QKI: variants seen among roughly 807,000 people sequenced by gnomAD.
QKI encodes QKI, KH domain containing RNA binding.
QKI carries 10 observed loss-of-function variants against 39.0 expected under a neutral mutation model. The ratio of observed to expected loss-of-function variants is 0.26; its 90% CI spans 0.16 to 0.43. QKI has a LOEUF of 0.43. QKI is among the 20% of genes least tolerant of loss of function. The pLI is 1.00. For missense variants in QKI, 218 were observed against 428.0 expected (o/e 0.51, Z 4.33); for synonymous variants, 204 against 155.4 (o/e 1.31, Z -2.33).
chr6:163,546,277 C>T (rs1352235699), intron 4 of QKI, among the ~76,000 whole-genome samples: 1 of 151,586 alleles, frequency 6.6e-6, no homozygotes, highest in Non-Finnish European at 1.5e-5. Context: ...TGTTTGCATG[C>T]CCTTCTGATG....
intron 3 of QKI, among the ~76,000 whole-genome samples, chr6:163,519,840 A>T (rs1780041470): frequency 6.6e-6 from 1 of 152,160 alleles, no homozygotes; most frequent in African/African-American, 2.4e-5. Flanking sequence ...TTAATATCTC[A>T]GAAAATGTTT....
intron 2 of QKI, among the ~76,000 whole-genome samples, chr6:163,464,564 A>T (rs1791587813): frequency 6.6e-6 from 1 of 152,212 alleles, no homozygotes; most frequent in Non-Finnish European, 1.5e-5. Flanking sequence ...GAGTAAATAT[A>T]TGCCAAAAAA....
intron 4 of QKI, among the ~76,000 whole-genome samples, chr6:163,551,350 C>T (rs529469514): frequency 6.6e-6 from 1 of 152,292 alleles, no homozygotes; most frequent in South Asian, 2.1e-4. Flanking sequence ...GCTCCAGTTC[C>T]ACAAGATGTC....
intron 1 of QKI, among the ~76,000 whole-genome samples, chr6:163,433,702 G>A (rs1789017788): frequency 6.6e-6 from 1 of 152,126 alleles, no homozygotes; most frequent in African/African-American, 2.4e-5. Context: ...GGGAGGCAGA[G>A]GTTGCAGTGA....
chr6:163,573,653 C>T lies in QKI; in HGVS notation c.*2943C>T, dbSNP rs1783823134. 1 of 151,972 alleles carries T rather than the reference C, an allele frequency of 6.6e-6. No individual in the cohort carries two copies. The highest frequency in any genetic ancestry group is 2.4e-5 in the African/African-American group (1 of 41,366). The allele number at this position is 151,972 out of a possible 1,614,324, so 9.4% of individuals were successfully genotyped here. A position where few individuals can be genotyped will look rare whatever the true frequency, so the allele number is the denominator to read the frequency against. ...TATTGGGTGTCTTGTCTTTTTTGGG[C>T]TTTTAGTTAGCTAATGAATGAATAC... On this transcript the variant is annotated 3_prime_UTR_variant, in exon 8 of 8. Transcript: ENST00000361752.
chr6:163,430,437 T>G (rs1040873934), intron 1 of QKI, among the ~76,000 whole-genome samples: 2 of 151,390 alleles, frequency 1.3e-5, no homozygotes, highest in African/African-American at 4.9e-5. Context: ...TTAATTTGGC[T>G]TTTTATTTTT....
chr6:163,542,359 C>CTAA (rs1424872986), intron 4 of QKI, among the ~76,000 whole-genome samples: 4 of 151,840 alleles, frequency 2.6e-5, no homozygotes, highest in Admixed American at 1.3e-4. Context: ...CAGAAGAGAC[C>CTAA]TAAAACACAC....
chr6:163,543,932 C>T (rs918082943), intron 4 of QKI, among the ~76,000 whole-genome samples: 14 of 151,782 alleles, frequency 9.2e-5, no homozygotes, highest in African/African-American at 3.2e-4. Context: ...TTTGCTTTAA[C>T]AAACGTTAAC....
chr6:163,473,289 A>T (rs540314332), intron 2 of QKI, among the ~76,000 whole-genome samples: 3 of 152,222 alleles, frequency 2.0e-5, no homozygotes, highest in Admixed American at 1.3e-4. Context: ...AAGAGAGTAG[A>T]ACCACGTAAG....
intron 3 of QKI, among the ~76,000 whole-genome samples, chr6:163,486,079 T>C (rs1447412283): frequency 6.6e-6 from 1 of 152,214 alleles, no homozygotes; most frequent in Admixed American, 6.5e-5. Context: ...ACTTTTACTA[T>C]CTGTGCTGCA....
intron 3 of QKI, among the ~76,000 whole-genome samples, chr6:163,509,555 T>G (rs2128234581): frequency 6.6e-6 from 1 of 152,244 alleles, no homozygotes; most frequent in East Asian, 1.9e-4. Context: ...GGTTACAGGT[T>G]TCTACATATT....
chr6:163,539,771 C>G (rs988917531), intron 4 of QKI, among the ~76,000 whole-genome samples: 2 of 152,094 alleles, frequency 1.3e-5, no homozygotes, highest in Non-Finnish European at 2.9e-5. Context: ...AGTTGCCTTC[C>G]AGAAAATTTG....
intron 1 of QKI, among the ~76,000 whole-genome samples, chr6:163,454,211 A>G (rs2128218972): frequency 6.6e-6 from 1 of 152,272 alleles, no homozygotes; most frequent in Admixed American, 6.5e-5. Flanking sequence ...AAAGGACAGG[A>G]GCCTGTCTTC....
At chr6:163,478,965 A>C in intron 3 of QKI, 69 bp downstream of exon 3, 1 of 1,322,628 alleles carries the variant, frequency 7.6e-7, no homozygotes. Flanking sequence ...GTAATAATAA[A>C]ATTTCCAGAT....
chr6:163,474,826 G>C (rs540998002), intron 2 of QKI, among the ~76,000 whole-genome samples: 1 of 149,312 alleles, frequency 6.7e-6, no homozygotes, highest in East Asian at 2.0e-4. Flanking sequence ...TGGTGAGGCT[G>C]AGGTGGGAGG....
At chr6:163,525,286 TTC>T (rs368196224) in intron 3 of QKI, among the ~76,000 whole-genome samples, 11 of 144,250 alleles carry the variant, frequency 7.6e-5, no homozygotes, top group Admixed American at 2.1e-4. Context: ...TTTTTTCCTG[TTC>T]TCTCTCTCTC....
At chr6:163,553,289 C>T (rs750026246) in intron 4 of QKI, among the ~76,000 whole-genome samples, 1 of 151,530 alleles carries the variant, frequency 6.6e-6, no homozygotes, top group African/African-American at 2.4e-5. Context: ...TTTTAGTAGA[C>T]ATAGGGTTTC....
intron 3 of QKI, among the ~76,000 whole-genome samples, chr6:163,485,172 A>G (rs1258341466): frequency 1.3e-5 from 2 of 152,238 alleles, no homozygotes; most frequent in Non-Finnish European, 2.9e-5. Context: ...TGAGCAGATT[A>G]CAAATGCTAG....
intron 4 of QKI, among the ~76,000 whole-genome samples, chr6:163,553,823 A>G (rs747262779): frequency 1.3e-5 from 2 of 152,166 alleles, no homozygotes; most frequent in Non-Finnish European, 2.9e-5. Flanking sequence ...TTAGTTTTAT[A>G]TAGTTTTAAT....
Sources: allele counts gnomAD v4.1 joint callset (sites outside exome capture counted in the v4.1 genomes callset), GRCh38; gene constraint gnomAD v4.1.1; transcripts MANE v1.5; gene names NCBI Gene and HGNC (gene_info 2026-07-23, HGNC 2026-07-21).